Variants in SMARCAL1 observed in about 807,000 individuals in gnomAD.
SMARCAL1 encodes the protein ATP-driven annealing helicase.
Under a neutral mutation model 94.5 loss-of-function variants are expected in SMARCAL1, and 58 were observed. That is an observed-to-expected ratio of 0.61 (90% CI 0.50 to 0.76). The LOEUF (loss-of-function observed/expected upper bound fraction) is 0.76. SMARCAL1 is among the 30% of genes least tolerant of loss of function. The probability of loss-of-function intolerance (pLI) is 0.00; values close to 1 mark genes in which losing one functional copy is unlikely to be tolerated. For synonymous variants in SMARCAL1, 422 were observed against 455.1 expected (o/e 0.93, Z 0.93); for missense variants, 1,051 against 1,177.9 (o/e 0.89, Z 1.58).
intron 12 of SMARCAL1, among the ~76,000 whole-genome samples, chr2:216,458,689 A>G (rs1030140107): frequency 2.6e-5 from 4 of 152,192 alleles, no homozygotes; most frequent in Admixed American, 2.0e-4. Context: ...ATCTCAAAAT[A>G]ATAAGAGCTA....
In SMARCAL1 at chr2:216,450,829, T is replaced by A. The variant is rs1456281689; in HGVS notation, c.1852-17T>A. The A allele has an allele frequency of 3.1e-6, 5 of 1,607,116 alleles. No individual in the cohort carries two copies. The highest frequency in any genetic ancestry group is 4.3e-6 in the Non-Finnish European group (5 of 1,174,482). On this transcript the variant is annotated splice_polypyrimidine_tract_variant and intron_variant, in intron 11 of 17. Coordinates refer to ENST00000357276, the MANE Select transcript of SMARCAL1 (RefSeq NM_014140.4). Reference sequence around the variant, plus strand: ...GAAAGGAGCCTCATGGGGCTGTCGCTGTCTTGTTCTCTGCAGATGCCTTGG... The same window carrying A: ...GAAAGGAGCCTCATGGGGCTGTCGCAGTCTTGTTCTCTGCAGATGCCTTGG...
At chr2:216,466,705 TA>T (rs1428255856) in intron 13 of SMARCAL1, among the ~76,000 whole-genome samples, 1 of 152,222 alleles carries the variant, frequency 6.6e-6, no homozygotes, top group African/African-American at 2.4e-5. Context: ...CTGTGGTTTT[TA>T]TGAGCTCACC....
intron 6 of SMARCAL1, among the ~76,000 whole-genome samples, chr2:216,424,723 A>G (rs552598095): frequency 1.3e-5 from 2 of 152,348 alleles, no homozygotes; most frequent in Non-Finnish European, 2.9e-5. Flanking sequence ...CTCTCCTGAC[A>G]TAGGAATTAA....
intron 14 of SMARCAL1, among the ~76,000 whole-genome samples, chr2:216,470,491 C>CTTTTT (rs34225191): frequency 7.0e-6 from 1 of 142,912 alleles, no homozygotes; most frequent in Non-Finnish European, 1.5e-5. Context: ...CCAACTAGAT[C>CTTTTT]TTTTTTTTTT....
rs139534027 is a variant in SMARCAL1, at chr2:216,419,666, T to C, written c.863-633T>C. Among the ~76,000 whole-genome samples, 1,182 of 152,248 alleles carry C rather than the reference T, an allele frequency of 7.8e-3. 10 individuals carry two copies. Among genetic ancestry groups the C allele is most frequent in the Non-Finnish European group, 0.011 (750 of 68,004 alleles). ...CGACACCGTGCCAGAAATTATCTAA[T>C]AAGTTTATTCATCCTGGCGAGCTTC... is the stretch of plus-strand genomic sequence containing the variant. On this transcript the variant is annotated intron_variant, in intron 4 of 17. Coordinates refer to ENST00000357276, the MANE Select transcript of SMARCAL1 (RefSeq NM_014140.4).
At position 216,475,492 on chromosome 2, in the gene SMARCAL1, C is replaced by CA; in HGVS notation, c.2427+42dup. On this transcript the variant is annotated intron_variant, in intron 15 of 17. Transcript: ENST00000357276. The surrounding 1 kb of genome is among the most constrained non-coding windows in gnomAD (Gnocchi z 4.4). ...GACTCAGATACTCCCCAGGCATGCT[C>CA]ATGGCTGTGGGCAGGAAGCAGTGAG... 6.2e-7 allele frequency: 1 copy of CA among 1,601,844 alleles called. No individual in the cohort carries two copies. Among genetic ancestry groups the CA allele is most frequent in the African/African-American group, 1.3e-5 (1 of 74,796 alleles).
rs138693603 is a variant in SMARCAL1, at chr2:216,434,364, A to G, written c.1486-974A>G. Among the ~76,000 whole-genome samples, 393 of 152,316 alleles carry G rather than the reference A, an allele frequency of 2.6e-3. 3 individuals are homozygous for G. Among genetic ancestry groups the G allele is most frequent in the Non-Finnish European group, 2.9e-3 (196 of 68,032 alleles). On this transcript the variant is annotated intron_variant, in intron 8 of 17. Transcript: ENST00000357276. ...AAGGTAGATTTGTAGAAATATCGAC[A>G]TAAGTAGTCTCGTCATCATCAATAA...
At chr2:216,465,586 T>C (rs998837041) in intron 13 of SMARCAL1, among the ~76,000 whole-genome samples, 4 of 152,242 alleles carry the variant, frequency 2.6e-5, no homozygotes, top group African/African-American at 4.8e-5. Context: ...CAATTATTCA[T>C]GACAAAATCT....
intron 12 of SMARCAL1, among the ~76,000 whole-genome samples, chr2:216,452,069 T>A (rs1694461951): frequency 6.6e-6 from 1 of 152,208 alleles, no homozygotes; most frequent in African/African-American, 2.4e-5. Context: ...ACTGGCAAAT[T>A]TTCAAGCTGT....
chr2:216,454,952 C>T (rs1165158204), intron 12 of SMARCAL1, among the ~76,000 whole-genome samples: 6 of 152,232 alleles, frequency 3.9e-5, no homozygotes, highest in African/African-American at 1.4e-4. Flanking sequence ...TTTTGCTAGC[C>T]AAGCAAAGCT....
intron 10 of SMARCAL1, among the ~76,000 whole-genome samples, chr2:216,439,839 G>T (rs1694159470): frequency 6.6e-6 from 1 of 152,060 alleles, no homozygotes. Context: ...AGGCATGTGG[G>T]TCACTTGAGA....
Position 216,414,819 on chromosome 2 carries a change from G to A in SMARCAL1, c.115G>A (p.Gly39Ser). ...AGAACAGCATCAGAGGACTAGCTCG[G>A]GCACCTCCATTGCTGGCAACCCATT... Reference protein sequence around the residue: ...LAEQHQRTSSGTSIAGNPFQA... With the variant: ...LAEQHQRTSSSTSIAGNPFQA... The change falls in exon 3 of 18, where the codon GGC becomes AGC. Residue 39 changes from glycine to serine, a missense_variant. Around this residue, in one of 3 missense-constraint regions of SMARCAL1, gnomAD observed 398 missense variants for 395.2 expected, o/e 1.01. Coordinates refer to ENST00000357276, the MANE Select transcript of SMARCAL1 (RefSeq NM_014140.4). 1 of 1,614,150 alleles carries A rather than the reference G, an allele frequency of 6.2e-7. No homozygotes were observed. Among genetic ancestry groups the A allele is most frequent in the Non-Finnish European group, 8.5e-7 (1 of 1,180,034 alleles).
chr2:216,436,161 G>A (rs1694077567), intron 9 of SMARCAL1, among the ~76,000 whole-genome samples: 1 of 152,094 alleles, frequency 6.6e-6, no homozygotes, highest in African/African-American at 2.4e-5. Flanking sequence ...TAGAGACGGG[G>A]TTTCACCATG....
chr2:216,481,410 G>C (rs2106093253), intron 17 of SMARCAL1, among the ~76,000 whole-genome samples: 1 of 152,250 alleles, frequency 6.6e-6, no homozygotes, highest in East Asian at 1.9e-4. Context: ...TGCCCAGGCT[G>C]GTCTCTAATT....
intron 12 of SMARCAL1, among the ~76,000 whole-genome samples, chr2:216,461,629 A>G (rs1053919370): frequency 4.6e-5 from 7 of 152,156 alleles, no homozygotes; most frequent in African/African-American, 1.4e-4. Context: ...GGAGATTGAT[A>G]CCAGCCTGGA....
chr2:216,456,459 C>T (rs1261350587), intron 12 of SMARCAL1, among the ~76,000 whole-genome samples: 4 of 152,176 alleles, frequency 2.6e-5, no homozygotes, highest in African/African-American at 9.7e-5. Context: ...GGTTGGGTTA[C>T]CCACAAAGGG....
At chr2:216,460,096 C>T (rs1314377474) in intron 12 of SMARCAL1, among the ~76,000 whole-genome samples, 1 of 152,190 alleles carries the variant, frequency 6.6e-6, no homozygotes, top group African/African-American at 2.4e-5. Flanking sequence ...TGCTCATCAT[C>T]ACTGGCCATC....
rs368873394 is a variant in SMARCAL1, at chr2:216,428,618, A to T, written c.1170A>T (p.Pro390=). 1 of 1,613,878 alleles carries T rather than the reference A, an allele frequency of 6.2e-7. No individual in the cohort carries two copies. Among genetic ancestry groups the T allele is most frequent in the Non-Finnish European group, 8.5e-7 (1 of 1,180,040 alleles). The change falls in exon 7 of 18, where the codon CCA becomes CCT. Residue 390 remains proline, a synonymous_variant. Transcript: ENST00000357276. The part of the protein sequence containing the change: ...SKLIAKVRCL[P]QVQLDPLPTT... ...CAGTTGCAAAGGTGCGCTGCCTCCC[A>T]CAAGTTCAGCTGGACCCTCTGCCCA... is the stretch of plus-strand genomic sequence containing the variant.
At chr2:216,426,949 A>C (rs1693847858) in intron 6 of SMARCAL1, 1 of 152,154 alleles carries the variant, frequency 6.6e-6, no homozygotes, top group Non-Finnish European at 1.5e-5. Flanking sequence ...AAGCAGTGGG[A>C]GTTATTTTCT....
Sources: allele counts gnomAD v4.1 joint callset (sites outside exome capture counted in the v4.1 genomes callset), GRCh38; gene constraint gnomAD v4.1.1; regional missense constraint gnomAD v4.1.1; non-coding constraint Gnocchi (gnomAD v3.1); transcripts MANE v1.5; gene names NCBI Gene and HGNC (gene_info 2026-07-23, HGNC 2026-07-21).